Variants in MYLK observed in about 807,000 individuals in gnomAD.
The protein encoded by MYLK is myosin light chain kinase, smooth muscle.
MYLK carries 106 observed loss-of-function variants against 203.4 expected under a neutral mutation model. The observed-to-expected ratio is 0.52, with a 90% confidence interval of 0.45 to 0.61. MYLK has a LOEUF of 0.61. MYLK is among the 20% of genes least tolerant of loss of function. The probability of loss-of-function intolerance (pLI) is 0.00; values close to 1 mark genes in which losing one functional copy is unlikely to be tolerated. For synonymous variants in MYLK, 867 were observed against 959.5 expected (o/e 0.90, Z 1.78); for missense variants, 2,072 against 2,442.3 (o/e 0.85, Z 3.20).
At chr3:123,708,677 C>A in intron 15 of MYLK, 21 bp downstream of exon 15, 1 of 1,613,496 alleles carries the variant, frequency 6.2e-7, no homozygotes, top group Non-Finnish European at 8.5e-7. Flanking sequence ...TTCCCACTCG[C>A]TCTGAGTGGG....
chr3:123,662,707 G>A (rs1484410898), intron 23 of MYLK, among the ~76,000 whole-genome samples: 2 of 152,174 alleles, frequency 1.3e-5, no homozygotes, highest in East Asian at 3.8e-4. Context: ...TGTTCTGTGT[G>A]CCCACGTGTG....
intron 5 of MYLK, among the ~76,000 whole-genome samples, chr3:123,749,943 G>A (rs753613194): frequency 1.3e-5 from 2 of 152,242 alleles, no homozygotes; most frequent in Non-Finnish European, 2.9e-5. Flanking sequence ...CTCACTCCAA[G>A]TAAGAAGCAT....
intron 18 of MYLK, chr3:123,693,371 G>A (rs1180742372): frequency 5.7e-6 from 1 of 175,668 alleles, no homozygotes; most frequent in Non-Finnish European, 1.2e-5. Flanking sequence ...AGGAGGCTAG[G>A]AGCCCTTGTC....
intron 4 of MYLK, among the ~76,000 whole-genome samples, chr3:123,756,826 G>T (rs938602007): frequency 4.6e-5 from 7 of 152,186 alleles, no homozygotes; most frequent in African/African-American, 1.4e-4. Context: ...ATTGGAGGTT[G>T]TATTCTTGAA....
chr3:123,747,886 C>T (rs1461580077), intron 5 of MYLK, among the ~76,000 whole-genome samples: 1 of 152,148 alleles, frequency 6.6e-6, no homozygotes, highest in East Asian at 1.9e-4. Flanking sequence ...AGACTGAGAC[C>T]ACTGGGGCTG....
chr3:123,829,524 TCTATACCATGGTAGGATGA>T (rs1282507826), intron 3 of MYLK, among the ~76,000 whole-genome samples: 2 of 152,184 alleles, frequency 1.3e-5, no homozygotes, highest in Non-Finnish European at 2.9e-5. Context: ...GTTCTACTGT[TCTATACCATGGTAGGATGA>T]CTATAGTTAA....
intron 20 of MYLK, among the ~76,000 whole-genome samples, chr3:123,671,015 C>T (rs1350291906): frequency 1.3e-5 from 2 of 152,182 alleles, no homozygotes; most frequent in African/African-American, 4.8e-5. Flanking sequence ...CGGGACAGAT[C>T]CAATTAGGAG....
chr3:123,692,055 A>G (rs1303660908), intron 19 of MYLK, among the ~76,000 whole-genome samples: 1 of 152,178 alleles, frequency 6.6e-6, no homozygotes, highest in African/African-American at 2.4e-5. Context: ...GGAAGGAGAG[A>G]AAAAAGAGTC....
At chr3:123,741,008 A>G (rs1305825352) in intron 5 of MYLK, among the ~76,000 whole-genome samples, 1 of 152,182 alleles carries the variant, frequency 6.6e-6, no homozygotes, top group Non-Finnish European at 1.5e-5. Context: ...GGTGGGAGGA[A>G]GAGGTCTTTT....
chr3:123,797,570 T>C (rs1240959799), intron 3 of MYLK, among the ~76,000 whole-genome samples: 1 of 152,004 alleles, frequency 6.6e-6, no homozygotes. Context: ...GAAGTGATGA[T>C]ACACTGTGCA....
At chr3:123,695,230 G>A (rs1209241684) in intron 18 of MYLK, among the ~76,000 whole-genome samples, 6 of 152,234 alleles carry the variant, frequency 3.9e-5, no homozygotes, top group African/African-American at 1.4e-4. Context: ...CTGCAGGCAT[G>A]GTGTCCTCCT....
chr3:123,681,846 G>A (rs999843758), intron 20 of MYLK: 5 of 330,796 alleles, frequency 1.5e-5, no homozygotes, highest in Non-Finnish European at 3.0e-5. Flanking sequence ...TGAGATCAGA[G>A]TTACAATCCA....
chr3:123,819,567 A>G (rs2109286069), intron 3 of MYLK, among the ~76,000 whole-genome samples: 1 of 152,310 alleles, frequency 6.6e-6, no homozygotes, highest in Middle Eastern at 3.4e-3. Flanking sequence ...CTTCACAGCT[A>G]TTAGCAAAAG....
intron 2 of MYLK, among the ~76,000 whole-genome samples, chr3:123,833,721 T>C (rs558043464): frequency 4.6e-5 from 7 of 152,304 alleles, no homozygotes; most frequent in Middle Eastern, 3.4e-3. Flanking sequence ...ATTAAAACTA[T>C]ATAAAAGCTG....
intron 2 of MYLK, among the ~76,000 whole-genome samples, chr3:123,856,801 C>G (rs1051934163): frequency 1.3e-5 from 2 of 152,068 alleles, no homozygotes; most frequent in African/African-American, 4.8e-5. Flanking sequence ...CAAATAGGAT[C>G]TAATTAAACT....
rs372140924 is a variant in MYLK at position 123,692,212 on chromosome 3, A to G, written c.3565+523T>C. 11 of 663,104 alleles carry G rather than the reference A, an allele frequency of 1.7e-5. No individual in the cohort carries two copies. In the Admixed American group the frequency reaches 3.0e-4, roughly 18 times the overall value. The allele number at this position is 663,104 out of a possible 1,614,324, so 41.1% of individuals were successfully genotyped here. The stretch of plus-strand genomic sequence containing the variant: ...TCCCACCTCCCTCTGCAGTATTATT[A>G]TTACTACTACCATTTTGTTTTGGCA... On this transcript the variant is annotated intron_variant, in intron 19 of 33. Transcript: ENST00000360304.
intron 18 of MYLK, among the ~76,000 whole-genome samples, chr3:123,697,802 C>G (rs551459019): frequency 6.6e-6 from 1 of 152,120 alleles, no homozygotes; most frequent in African/African-American, 2.4e-5. Context: ...CTCTGGAATC[C>G]CTTTCCACCT....
At chr3:123,785,897 A>G (rs1196366354) in intron 4 of MYLK, among the ~76,000 whole-genome samples, 1 of 152,234 alleles carries the variant, frequency 6.6e-6, no homozygotes, top group Non-Finnish European at 1.5e-5. Flanking sequence ...ACATGTGACT[A>G]GTGGGTAGGT....
chr3:123,698,620 C>T (rs1263705859), intron 18 of MYLK, among the ~76,000 whole-genome samples: 4 of 152,118 alleles, frequency 2.6e-5, no homozygotes, highest in Non-Finnish European at 1.5e-5. Context: ...ATGGAGGAGA[C>T]GACTTCTGGA....
Sources: gnomAD v4.1 joint callset for allele counts (sites outside exome capture counted in the v4.1 genomes callset) on GRCh38, gnomAD v4.1.1 for gene constraint, MANE v1.5 for transcripts, NCBI Gene and HGNC (gene_info 2026-07-23, HGNC 2026-07-21) for gene names.